USP20: variants seen among roughly 807,000 people sequenced by gnomAD.
USP20 encodes ubiquitin carboxyl-terminal hydrolase 20.
Under a neutral mutation model 124.2 loss-of-function variants are expected in USP20, and 80 were observed. The observed-to-expected ratio is 0.64, with a 90% CI of 0.54 to 0.78. The LOEUF (loss-of-function observed/expected upper bound fraction) is 0.78. Among genes scored for constraint, USP20 ranks in the 30% least tolerant of loss-of-function variants. The probability of loss-of-function intolerance (pLI) is 0.00; values close to 1 mark genes in which losing one functional copy is unlikely to be tolerated. For synonymous variants in USP20, 481 were observed against 512.3 expected (o/e 0.94, Z 0.83); for missense variants, 1,043 against 1,244.4 (o/e 0.84, Z 2.44).
intron 1 of USP20, among the ~76,000 whole-genome samples, chr9:129,843,064 G>A (rs1375605471): frequency 6.6e-6 from 1 of 151,936 alleles, no homozygotes; most frequent in Non-Finnish European, 1.5e-5. Context: ...GTTTCTAAAG[G>A]GAAGCTTATC....
At chr9:129,877,416 G>A (rs2034453468) in intron 22 of USP20, among the ~76,000 whole-genome samples, 2 of 152,162 alleles carry the variant, frequency 1.3e-5, no homozygotes, top group Admixed American at 1.3e-4. Context: ...CTACCTGGAG[G>A]GCTGAGTGAG....
chr9:129,876,355 G>C (rs925250835), intron 22 of USP20, 117 bp downstream of exon 22: 16 of 833,140 alleles, frequency 1.9e-5, no homozygotes, highest in Non-Finnish European at 2.7e-5. Context: ...GCAGTCTTTT[G>C]AGGCTGGGCA....
At chr9:129,843,407 G>A (rs183854965) in intron 1 of USP20, among the ~76,000 whole-genome samples, 1 of 151,826 alleles carries the variant, frequency 6.6e-6, no homozygotes, top group African/African-American at 2.4e-5. Flanking sequence ...TCCAGCCTAG[G>A]CAACAGACTA....
At chr9:129,842,820 C>T (rs2032307766) in intron 1 of USP20, among the ~76,000 whole-genome samples, 1 of 151,984 alleles carries the variant, frequency 6.6e-6, no homozygotes, top group Non-Finnish European at 1.5e-5. Context: ...GTTTCGAACT[C>T]CTGACCTTGT....
chr9:129,844,769 C>A (rs1414438318), intron 1 of USP20, among the ~76,000 whole-genome samples: 2 of 151,650 alleles, frequency 1.3e-5, no homozygotes, highest in Non-Finnish European at 2.9e-5. Context: ...CTGTTTCCAG[C>A]TTCTATGAAG....
At position 129,839,669 on chromosome 9, in the gene USP20, G is replaced by T. The variant is rs897421568; in HGVS notation, c.-129+4170G>T. On this transcript the variant is annotated intron_variant, in intron 1 of 25. Coordinates refer to ENST00000372429, the MANE Select transcript of USP20 (RefSeq NM_001110303.4). The surrounding 1 kb of genome is among the most constrained non-coding windows in gnomAD (Gnocchi z 4.5). ...GCTAATGTGGTTGGGGTCAGCGTGG[G>T]CAGGGCTGTGGGCATCGTTGTGTGG... Among the ~76,000 whole-genome samples, 5 of 152,102 alleles carry T rather than the reference G, an allele frequency of 3.3e-5. No homozygotes were observed. The highest frequency in any genetic ancestry group is 4.8e-5 in the African/African-American group (2 of 41,400).
intron 3 of USP20, 112 bp downstream of exon 3, chr9:129,852,748 A>T: frequency 9.1e-7 from 1 of 1,102,806 alleles, no homozygotes; most frequent in South Asian, 1.5e-5. Flanking sequence ...GTCTCTGCTC[A>T]GCTTTCTGTG....
chr9:129,848,015 G>A (rs2032684289), intron 1 of USP20, among the ~76,000 whole-genome samples: 2 of 151,878 alleles, frequency 1.3e-5, no homozygotes. Context: ...CTAGCCAGGT[G>A]GGCCGAGCAC....
At position 129,878,393 on chromosome 9, in the gene USP20, T is replaced by G; in HGVS notation, c.2465T>G (p.Met822Arg). Residue 822 changes from methionine to arginine, a missense_variant, in exon 23 of 26, where the codon ATG (methionine) becomes AGG (arginine). Transcript: ENST00000372429. Reference sequence around the variant, plus strand: ...CCGGGCGTCATCTACTGCATCAGCATGCAGTGGTTCCGGGAGTGGGAGGCG... The same window carrying G: ...CCGGGCGTCATCTACTGCATCAGCAGGCAGTGGTTCCGGGAGTGGGAGGCG... ...ESPGVIYCIS[M>R]QWFREWEAFV... 1 of 1,610,962 alleles carries G rather than the reference T, an allele frequency of 6.2e-7. No homozygotes were observed. The highest frequency in any genetic ancestry group is 8.5e-7 in the Non-Finnish European group (1 of 1,178,682).
At chr9:129,852,399 G>T in intron 2 of USP20, 141 bp from the exon 3 acceptor site, 1 of 672,634 alleles carries the variant, frequency 1.5e-6, no homozygotes, top group African/African-American at 1.8e-5. Flanking sequence ...GCTCAGAGAG[G>T]TTAAGCAACT....
Position 129,868,914 on chromosome 9 carries a change from C to G in USP20, c.1188C>G (p.Val396=). ...GCTCCTCTCGCCCCTGCAGCCCCGT[C>G]CACCACCACGAGGGCCATGCCAAGC... The part of the protein sequence containing the change: ...LRSSSRPCSP[V]HHHEGHAKLS... The change falls in exon 12 of 26, where the codon GTC becomes GTG. Residue 396 remains valine, a synonymous_variant. Coordinates refer to ENST00000372429, the MANE Select transcript of USP20 (RefSeq NM_001110303.4). The G allele has an allele frequency of 6.2e-7, 1 of 1,611,678 alleles. No homozygotes were observed. Among genetic ancestry groups the G allele is most frequent in the Non-Finnish European group, 8.5e-7 (1 of 1,178,680 alleles).
In USP20 at chr9:129,879,745, T is replaced by C; in HGVS notation, c.2584+101T>C. The C allele has an allele frequency of 7.3e-7, 1 of 1,372,450 alleles. No homozygotes were observed. Among genetic ancestry groups the C allele is most frequent in the Non-Finnish European group, 1.0e-6 (1 of 975,210 alleles). The allele number at this position is 1,372,450 out of a possible 1,614,324, so 85.0% of individuals were successfully genotyped here. Reference sequence around the variant, plus strand: ...CCAGGAGCCCCCTTACCACCTGTCTTAGAGTCAGGCTGAGACGTCCACCTG... The same window carrying C: ...CCAGGAGCCCCCTTACCACCTGTCTCAGAGTCAGGCTGAGACGTCCACCTG... On this transcript the variant is annotated intron_variant, in intron 24 of 25. Transcript: ENST00000372429. This position sits in a 1 kb window ranked among gnomAD's most constrained non-coding sequence, Gnocchi z 4.2.
At chr9:129,841,284 TTTC>T (rs1351837149) in intron 1 of USP20, among the ~76,000 whole-genome samples, 1 of 152,212 alleles carries the variant, frequency 6.6e-6, no homozygotes, top group Non-Finnish European at 1.5e-5. Context: ...TGGCTTGGTC[TTTC>T]CTCTGTGTGA....
In USP20 at chr9:129,878,654, C is replaced by T. The variant is rs147722632; in HGVS notation, c.2512+214C>T. ...GAGGCAGGAAGCTGCTCCTGCTCTGCGCCCCCTGCCCTTCTCCACTCCCTG... is the reference window on the plus strand; with the variant it reads ...GAGGCAGGAAGCTGCTCCTGCTCTGTGCCCCCTGCCCTTCTCCACTCCCTG... On this transcript the variant is annotated intron_variant, in intron 23 of 25. Coordinates refer to ENST00000372429, the MANE Select transcript of USP20 (RefSeq NM_001110303.4). 3.0e-3 allele frequency among the ~76,000 whole-genome samples: 459 copies of T among 152,308 alleles called. 3 individuals carry two copies. Among genetic ancestry groups the T allele is most frequent in the Non-Finnish European group, 3.4e-3 (234 of 68,006 alleles).
At position 129,865,285 on chromosome 9, in the gene USP20, G is replaced by A; in HGVS notation, c.612-18G>A. ...TCAAGGCAGGCTACCTGGACTAATG[G>A]GTTTGGGCTTCCTACAGGCCAAGCT... On this transcript the variant is annotated intron_variant, in intron 9 of 25. Transcript: ENST00000372429. 6.2e-7 allele frequency: 1 copy of A among 1,613,946 alleles called. No individual in the cohort carries two copies. Among genetic ancestry groups the A allele is most frequent in the Non-Finnish European group, 8.5e-7 (1 of 1,179,850 alleles).
chr9:129,865,772 G>A (rs1432740679), intron 10 of USP20, among the ~76,000 whole-genome samples: 1 of 151,950 alleles, frequency 6.6e-6, no homozygotes, highest in Admixed American at 6.6e-5. Flanking sequence ...TCAAGCAGTC[G>A]TCCCACCTCA....
chr9:129,873,938 G>A (rs1244939150), intron 17 of USP20, among the ~76,000 whole-genome samples, 194 bp downstream of exon 17: 1 of 152,166 alleles, frequency 6.6e-6, no homozygotes, highest in Non-Finnish European at 1.5e-5. Context: ...GTGACTTGGT[G>A]CCCTCTCTCG....
At position 129,880,516 on chromosome 9, in the gene USP20, C is replaced by T. The variant is rs2131108709; in HGVS notation, c.*66C>T. ...GGCGTGTTTGTGCCCAGAAGAGAGG[C>T]CGGGCTGCTGCAGAACCCCGCCGTG... On this transcript the variant is annotated 3_prime_UTR_variant, in exon 26 of 26. Transcript: ENST00000372429. The T allele has an allele frequency of 9.1e-6, 5 of 552,428 alleles. No individual in the cohort carries two copies. Among genetic ancestry groups the T allele is most frequent in the Admixed American group, 3.2e-5 (1 of 31,734 alleles). 34.2% of individuals were successfully genotyped at this position (552,428 alleles called of 1,614,324 possible).
chr9:129,856,471 T>A, intron 4 of USP20, 111 bp downstream of exon 4: 2 of 1,287,706 alleles, frequency 1.6e-6, no homozygotes, highest in Non-Finnish European at 2.2e-6. Flanking sequence ...CCATCCCTAG[T>A]GGGCACTGCC....
Sources: allele counts gnomAD v4.1 joint callset (sites outside exome capture counted in the v4.1 genomes callset), GRCh38; gene constraint gnomAD v4.1.1; non-coding constraint Gnocchi (gnomAD v3.1); transcripts MANE v1.5; gene names NCBI Gene and HGNC (gene_info 2026-07-23, HGNC 2026-07-21).